LRGUK: variants seen among roughly 807,000 people sequenced by gnomAD.
The protein encoded by LRGUK is leucine rich repeats and guanylate kinase domain containing.
LRGUK carries 65 observed loss-of-function variants against 76.0 expected under a neutral mutation model. That is an observed-to-expected ratio of 0.85 (90% CI 0.70 to 1.05). The LOEUF (loss-of-function observed/expected upper bound fraction) is 1.05, where lower values mean the gene tolerates loss of function less well. Ranked by LOEUF, LRGUK falls within the 50% of genes least tolerant of loss-of-function variation. LRGUK has a pLI of 0.00. For missense variants in LRGUK, 758 were observed against 732.8 expected (o/e 1.03, Z -0.40); for synonymous variants, 268 against 265.6 (o/e 1.01, Z -0.09).
At chr7:134,236,068 A>G (rs1196776388) in intron 16 of LRGUK, among the ~76,000 whole-genome samples, 2 of 152,204 alleles carry the variant, frequency 1.3e-5, no homozygotes, top group African/African-American at 4.8e-5. Flanking sequence ...TTTAAGTTCT[A>G]TGTTATCAAA....
intron 6 of LRGUK, among the ~76,000 whole-genome samples, 170 bp from the exon 7 acceptor site, chr7:134,163,227 G>A (rs1287053222): frequency 6.6e-6 from 1 of 152,176 alleles, no homozygotes; most frequent in Non-Finnish European, 1.5e-5. Flanking sequence ...TCTGGGGTAT[G>A]TGTAGGTGTT....
Position 134,162,826 on chromosome 7 carries a change from C to CAAAAA in LRGUK, c.796-550_796-546dup, listed in dbSNP as rs11445116. ...TGGGCTACAAAGCCAGACTCCTTCT[C>CAAAAA]AAAAAAAAAAAAAAAAAAAAAAAAA... On this transcript the variant is annotated intron_variant, in intron 6 of 15. Transcript: ENST00000645682. 3.6e-4 allele frequency among the ~76,000 whole-genome samples: 22 copies of CAAAAA among 61,158 alleles called. 1 individual carries two copies. Among genetic ancestry groups the CAAAAA allele is most frequent in the African/African-American group, 9.3e-4 (14 of 15,128 alleles). The allele number at this position is 61,158 out of a possible 152,430, so 40.1% of individuals were successfully genotyped here.
At chr7:134,205,130 A>G (rs1380825357) in intron 15 of LRGUK, among the ~76,000 whole-genome samples, 1 of 152,208 alleles carries the variant, frequency 6.6e-6, no homozygotes, top group Non-Finnish European at 1.5e-5. Flanking sequence ...TTATTTGTCC[A>G]GGGAATGGAC....
At chr7:134,236,649 T>C (rs986299538) in intron 16 of LRGUK, among the ~76,000 whole-genome samples, 1 of 152,194 alleles carries the variant, frequency 6.6e-6, no homozygotes. Flanking sequence ...ATAACATCTG[T>C]TTTTCTCTTT....
At chr7:134,195,204 G>A (rs1045401959) in intron 12 of LRGUK, among the ~76,000 whole-genome samples, 3 of 152,154 alleles carry the variant, frequency 2.0e-5, no homozygotes, top group African/African-American at 7.2e-5. Flanking sequence ...ACTGATCTTA[G>A]GAGCAGTTTA....
chr7:134,149,296 T>C (rs188031402), intron 5 of LRGUK, among the ~76,000 whole-genome samples: 125 of 152,232 alleles, frequency 8.2e-4, no homozygotes, highest in African/African-American at 2.9e-3. Context: ...TGATGTTTTC[T>C]GGGTAGCAGG....
At chr7:134,147,669 G>A (rs912448108) in intron 4 of LRGUK, among the ~76,000 whole-genome samples, 5 of 152,124 alleles carry the variant, frequency 3.3e-5, no homozygotes, top group African/African-American at 1.2e-4. Context: ...GTGGCTGCAG[G>A]AATTGAAAGC....
At chr7:134,231,103 AG>A (rs1291674548) in intron 16 of LRGUK, among the ~76,000 whole-genome samples, 2 of 152,198 alleles carry the variant, frequency 1.3e-5, no homozygotes, top group Non-Finnish European at 2.9e-5. Context: ...TGAGGATCCA[AG>A]GGTGATGCTG....
intron 17 of LRGUK, among the ~76,000 whole-genome samples, 154 bp from the exon 18 acceptor site, chr7:134,248,797 G>T (rs568868134): frequency 1.3e-5 from 2 of 152,182 alleles, no homozygotes; most frequent in African/African-American, 4.8e-5. Flanking sequence ...GACAAGCTCT[G>T]ATGTGCATGT....
intron 5 of LRGUK, among the ~76,000 whole-genome samples, chr7:134,153,904 T>C (rs913634164): frequency 6.6e-6 from 1 of 152,210 alleles, no homozygotes; most frequent in African/African-American, 2.4e-5. Context: ...CTGTTTGCTA[T>C]ACACTTGAAC....
chr7:134,245,883 A>T (rs1375070463), intron 16 of LRGUK, among the ~76,000 whole-genome samples: 2 of 152,204 alleles, frequency 1.3e-5, no homozygotes, highest in African/African-American at 4.8e-5. Context: ...AGATATATTC[A>T]TGGAATTATT....
intron 16 of LRGUK, among the ~76,000 whole-genome samples, chr7:134,239,011 C>A (rs1802073747): frequency 6.6e-6 from 1 of 152,166 alleles, no homozygotes. Context: ...GAGTGCGGAG[C>A]CTGTCTTAGC....
intron 16 of LRGUK, 56 bp from the exon 17 acceptor site, chr7:134,247,500 T>C: frequency 1.6e-6 from 2 of 1,252,136 alleles, no homozygotes; most frequent in Non-Finnish European, 2.3e-6. Flanking sequence ...ATAGATGTTT[T>C]AATCATCTGA....
intron 15 of LRGUK, among the ~76,000 whole-genome samples, chr7:134,220,154 T>A (rs1418705040): frequency 6.6e-6 from 1 of 152,246 alleles, no homozygotes; most frequent in African/African-American, 2.4e-5. Flanking sequence ...AGAATGTTTC[T>A]GCATACAGTT....
chr7:134,253,186 C>T (rs747962090), intron 18 of LRGUK, among the ~76,000 whole-genome samples: 1 of 152,106 alleles, frequency 6.6e-6, no homozygotes. Context: ...GGTTCTGCAG[C>T]GGAAAATTAC....
chr7:134,192,556 A>G (rs1436636626), intron 12 of LRGUK, among the ~76,000 whole-genome samples: 1 of 152,176 alleles, frequency 6.6e-6, no homozygotes, highest in Non-Finnish European at 1.5e-5. Flanking sequence ...ATTTTCTTCA[A>G]AACAACTTAT....
rs111333666 is a variant in LRGUK at position 134,129,446 on chromosome 7, G to C, written c.297+1782G>C. On this transcript the variant is annotated intron_variant, in intron 1 of 15. Coordinates refer to ENST00000645682, the Ensembl canonical transcript of LRGUK. Reference sequence around the variant, plus strand: ...CCCTCCCTCCCCTCCCCTCCCTTCCGTCCCTCCCCTCCCCTCCTCTCCTCT... The same window carrying C: ...CCCTCCCTCCCCTCCCCTCCCTTCCCTCCCTCCCCTCCCCTCCTCTCCTCT... 6.2e-3 allele frequency among the ~76,000 whole-genome samples: 320 copies of C among 51,410 alleles called. 11 individuals carry two copies. The highest frequency in any genetic ancestry group is 0.023 in the African/African-American group (270 of 11,844). 33.7% of individuals were successfully genotyped at this position (51,410 alleles called of 152,430 possible). A position where few individuals can be genotyped will look rare whatever the true frequency, so the allele number is the denominator to read the frequency against.
intron 4 of LRGUK, among the ~76,000 whole-genome samples, chr7:134,147,264 C>A (rs572910): frequency 0.86 from 130,876 of 151,734 alleles, 56,837 homozygotes; most frequent in Non-Finnish European, 0.91. Context: ...AAAATACAAA[C>A]AACAACAACA....
chr7:134,264,013 G>A, exon 20 of LRGUK: 3 of 1,573,460 alleles, frequency 1.9e-6, no homozygotes, highest in Non-Finnish European at 2.6e-6. Flanking sequence ...TGGAAAACCT[G>A]CTCTGCTGAT....
Sources: gnomAD v4.1 joint callset for allele counts (sites outside exome capture counted in the v4.1 genomes callset) on GRCh38, gnomAD v4.1.1 for gene constraint, MANE v1.5 for transcripts, NCBI Gene and HGNC (gene_info 2026-07-23, HGNC 2026-07-21) for gene names.